GPHN: variants seen among roughly 807,000 people sequenced by gnomAD.
The protein encoded by GPHN is gephyrin.
A neutral mutation model predicts 95.5 loss-of-function variants in GPHN; 17 were observed. The ratio of observed to expected loss-of-function variants is 0.18; its 90% CI spans 0.12 to 0.27. GPHN has a LOEUF of 0.27. Ranked by LOEUF, GPHN falls within the 10% of genes least tolerant of loss-of-function variation. The pLI is 1.00. For missense variants in GPHN, 660 were observed against 978.1 expected (o/e 0.67, Z 4.34); for synonymous variants, 320 against 322.5 (o/e 0.99, Z 0.08).
chr14:66,651,700 A>G (rs996783983), intron 1 of GPHN, among the ~76,000 whole-genome samples: 4 of 152,170 alleles, frequency 2.6e-5, no homozygotes, highest in African/African-American at 9.7e-5. Context: ...CCACAAAAGC[A>G]CTAAAAAGCC....
intron 9 of GPHN, among the ~76,000 whole-genome samples, chr14:66,988,018 A>T (rs1567183748): frequency 6.6e-6 from 1 of 152,034 alleles, no homozygotes; most frequent in Non-Finnish European, 1.5e-5. Flanking sequence ...GTACGATTTC[A>T]CTTGGTGATT....
intron 1 of GPHN, among the ~76,000 whole-genome samples, chr14:66,558,666 T>C (rs191367842): frequency 6.6e-6 from 1 of 152,284 alleles, no homozygotes; most frequent in Admixed American, 6.5e-5. Flanking sequence ...GAGTTCATTC[T>C]GTAAATGTAA....
At chr14:66,718,070 G>T (rs978761985) in intron 2 of GPHN, among the ~76,000 whole-genome samples, 11 of 152,146 alleles carry the variant, frequency 7.2e-5, no homozygotes, top group Admixed American at 7.2e-4. Context: ...TAGAATGCCC[G>T]AGTGTACACC....
intron 2 of GPHN, among the ~76,000 whole-genome samples, chr14:66,749,016 T>A (rs2058267330): frequency 6.6e-6 from 1 of 151,942 alleles, no homozygotes; most frequent in Non-Finnish European, 1.5e-5. Context: ...ATTCATCCCT[T>A]TCTCCTCACA....
chr14:66,943,288 C>T (rs1422200788), intron 8 of GPHN, among the ~76,000 whole-genome samples: 1 of 151,954 alleles, frequency 6.6e-6, no homozygotes, highest in Non-Finnish European at 1.5e-5. Flanking sequence ...AATTTATTTC[C>T]AGTAGTTTGA....
At chr14:66,646,656 T>G (rs1422031646) in intron 1 of GPHN, among the ~76,000 whole-genome samples, 1 of 152,124 alleles carries the variant, frequency 6.6e-6, no homozygotes, top group East Asian at 1.9e-4. Flanking sequence ...ATAATTCCAC[T>G]TACATGAGAT....
chr14:66,792,932 G>T (rs1484649811), intron 3 of GPHN, among the ~76,000 whole-genome samples: 2 of 152,288 alleles, frequency 1.3e-5, no homozygotes, highest in Non-Finnish European at 2.9e-5. Flanking sequence ...AAATAAAGGG[G>T]TGGGTCTGGC....
At chr14:67,657,090 T>A in the GPHN span, 1 of 152,402 alleles carries the variant, frequency 6.6e-6, no homozygotes, top group South Asian at 2.1e-4. Flanking sequence ...TAAGCTATTC[T>A]GTTCTTCGTT....
the GPHN span, chr14:67,648,915 T>C: frequency 1.3e-5 from 2 of 152,178 alleles, no homozygotes; most frequent in African/African-American, 4.8e-5. Flanking sequence ...AGACCCCAGA[T>C]TGAAAGGTTC....
At chr14:66,529,260 G>C (rs1352858557) in intron 1 of GPHN, among the ~76,000 whole-genome samples, 1 of 151,542 alleles carries the variant, frequency 6.6e-6, no homozygotes, top group African/African-American at 2.4e-5. Flanking sequence ...CAATTCGGCT[G>C]TTGATACTTG....
At chr14:66,783,519 G>A (rs1213948328) in intron 3 of GPHN, among the ~76,000 whole-genome samples, 2 of 152,208 alleles carry the variant, frequency 1.3e-5, no homozygotes, top group East Asian at 3.9e-4. Context: ...GCAGCACAAA[G>A]TAGAGCTAGT....
At chr14:66,984,849 G>GT (rs145476167) in intron 9 of GPHN, among the ~76,000 whole-genome samples, 395 of 146,134 alleles carry the variant, frequency 2.7e-3, no homozygotes, top group African/African-American at 6.0e-3. Flanking sequence ...TCACCCTGCC[G>GT]TTTTTTTTTT....
intron 8 of GPHN, among the ~76,000 whole-genome samples, chr14:66,950,946 C>G (rs572152542): frequency 6.6e-6 from 1 of 151,898 alleles, no homozygotes. Context: ...TGTTTTGAGA[C>G]GGAGTTTCAC....
chr14:67,139,423 G>A (rs1354811075), intron 17 of GPHN, among the ~76,000 whole-genome samples: 5 of 152,170 alleles, frequency 3.3e-5, no homozygotes, highest in South Asian at 4.1e-4. Context: ...TGATGATTCT[G>A]GACAAGGGTC....
At chr14:67,568,531 G>A in the GPHN span, among the ~76,000 whole-genome samples, 3 of 151,986 alleles carry the variant, frequency 2.0e-5, no homozygotes, top group Non-Finnish European at 4.4e-5. Flanking sequence ...AGGTGCAGTA[G>A]ACCACCATGA....
the GPHN span, among the ~76,000 whole-genome samples, chr14:67,250,071 G>A: frequency 6.6e-6 from 1 of 152,094 alleles, no homozygotes; most frequent in African/African-American, 2.4e-5. Context: ...ATTCACTAGA[G>A]CGATTTTATG....
At chr14:66,524,572 C>T (rs1044137359) in intron 1 of GPHN, among the ~76,000 whole-genome samples, 8 of 151,980 alleles carry the variant, frequency 5.3e-5, no homozygotes, top group Non-Finnish European at 7.4e-5. Context: ...TAGGTATACA[C>T]GTGCCATGGT....
the GPHN span, chr14:67,397,531 C>A: frequency 1.4e-6 from 1 of 723,272 alleles, no homozygotes; most frequent in Non-Finnish European, 2.2e-6. Context: ...GTGGCGGAGC[C>A]AGGATTTGAA....
the GPHN span, chr14:67,397,895 G>T: frequency 7.6e-7 from 1 of 1,312,772 alleles, no homozygotes; most frequent in Non-Finnish European, 1.1e-6. Context: ...GGGAGGGGGT[G>T]TCTGGTGGCA....
Sources: allele counts gnomAD v4.1 joint callset (sites outside exome capture counted in the v4.1 genomes callset), GRCh38; gene constraint gnomAD v4.1.1; transcripts MANE v1.5; gene names NCBI Gene and HGNC (gene_info 2026-07-23, HGNC 2026-07-21).